Variants in TPCN1 observed in about 807,000 individuals in gnomAD.
TPCN1 encodes the protein two pore segment channel 1.
A neutral mutation model predicts 108.8 loss-of-function variants in TPCN1; 52 were observed. That is an observed-to-expected ratio of 0.48 (90% CI 0.38 to 0.60). The LOEUF is 0.60. Among genes scored for constraint, TPCN1 ranks in the 20% least tolerant of loss-of-function variants. TPCN1 has a pLI of 0.00. For synonymous variants in TPCN1, 446 were observed against 433.7 expected (o/e 1.03, Z -0.35); for missense variants, 806 against 1,072.8 (o/e 0.75, Z 3.47).
In TPCN1 at chr12:113,273,158, C is replaced by A; in HGVS notation, c.784-74C>A. ...GGTCAAGGCAGGGCATGCCAGGTGG[C>A]CCATCACAGCCTGTTCCTGATGGCC... On this transcript the variant is annotated intron_variant, in intron 8 of 27. Coordinates refer to ENST00000335509, the MANE Select transcript of TPCN1 (RefSeq NM_017901.6). This position sits in a 1 kb window ranked among gnomAD's most constrained non-coding sequence, Gnocchi z 4.0. 1 of 1,364,950 alleles carries A rather than the reference C, an allele frequency of 7.3e-7. No homozygotes were observed. Among genetic ancestry groups the A allele is most frequent in the South Asian group, 1.2e-5 (1 of 85,918 alleles). 84.6% of individuals were successfully genotyped at this position (1,364,950 alleles called of 1,614,324 possible). A position where few individuals can be genotyped will look rare whatever the true frequency, so the allele number is the denominator to read the frequency against.
At chr12:113,235,502 T>A (rs1434050357) in intron 2 of TPCN1, among the ~76,000 whole-genome samples, 1 of 148,540 alleles carries the variant, frequency 6.7e-6, no homozygotes, top group Admixed American at 6.7e-5. Context: ...TTAAAAGTAG[T>A]GGTTTAAAAA....
rs932160913 is a variant in TPCN1 at position 113,284,274 on chromosome 12, C to T, written c.1343-307C>T. Among the ~76,000 whole-genome samples the T allele has an allele frequency of 3.3e-4, 51 of 152,268 alleles. No homozygotes were observed. Among genetic ancestry groups the T allele is most frequent in the African/African-American group, 1.2e-3 (50 of 41,552 alleles). On this transcript the variant is annotated intron_variant, in intron 15 of 27. Coordinates refer to ENST00000335509, the MANE Select transcript of TPCN1 (RefSeq NM_017901.6). The surrounding 1 kb of genome is among the most constrained non-coding windows in gnomAD (Gnocchi z 4.1). ...ACAAGTGTTTTCAATACTTGAATGC[C>T]TGGTATATTGTCCCTCTTTTACCTC...
Position 113,291,103 on chromosome 12 carries a change from T to TG in TPCN1, c.1959+110dup, listed in dbSNP as rs1284751223. 2.6e-6 allele frequency: 3 copies of TG among 1,138,402 alleles called. No individual in the cohort carries two copies. In the Admixed American group the frequency reaches 5.2e-5, roughly 20 times the overall value. The allele number at this position is 1,138,402 out of a possible 1,614,324, so 70.5% of individuals were successfully genotyped here. On this transcript the variant is annotated intron_variant, in intron 23 of 27. Transcript: ENST00000335509. Reference sequence around the variant, plus strand: ...TAATTCTTCCCGTAGCTTGCAGGGCTGGGGGTCTTGAGTCATGCTGTGTTG... The same window carrying TG: ...TAATTCTTCCCGTAGCTTGCAGGGCTGGGGGGTCTTGAGTCATGCTGTGTTG...
chr12:113,247,481 C>G (rs945166894), intron 2 of TPCN1, among the ~76,000 whole-genome samples: 1 of 152,244 alleles, frequency 6.6e-6, no homozygotes, highest in Non-Finnish European at 1.5e-5. Flanking sequence ...ACGCAGCACT[C>G]GGAGTGGGAG....
chr12:113,279,379 A>G (rs1166934351), intron 14 of TPCN1, among the ~76,000 whole-genome samples: 291 of 24,310 alleles, frequency 0.012, 11 homozygotes, highest in African/African-American at 0.032. Context: ...ATATATATAT[A>G]TATATATATA....
intron 2 of TPCN1, among the ~76,000 whole-genome samples, chr12:113,252,980 G>A (rs903673589): frequency 1.3e-5 from 2 of 152,174 alleles, no homozygotes; most frequent in African/African-American, 4.8e-5. Flanking sequence ...AAATGCTAGT[G>A]TATTTTTGGT....
Position 113,284,856 on chromosome 12 carries a change from TTC to T in TPCN1, c.1453+89_1453+90del. 1.4e-6 allele frequency: 2 copies of T among 1,443,724 alleles called. No homozygotes were observed. The highest frequency in any genetic ancestry group is 1.9e-6 in the Non-Finnish European group (2 of 1,026,806). 89.4% of individuals were successfully genotyped at this position (1,443,724 alleles called of 1,614,324 possible). On this transcript the variant is annotated intron_variant, in intron 17 of 27. Coordinates refer to ENST00000335509, the MANE Select transcript of TPCN1 (RefSeq NM_017901.6). The surrounding 1 kb of genome is among the most constrained non-coding windows in gnomAD (Gnocchi z 4.1). ...CATTCAGTGTAGAACCTCATGGTTC[TTC>T]TCTAAAACAGGAAGCTATAAAGAGA...
chr12:113,241,030 A>G (rs1029506635), intron 2 of TPCN1, among the ~76,000 whole-genome samples: 1 of 152,204 alleles, frequency 6.6e-6, no homozygotes, highest in African/African-American at 2.4e-5. Context: ...GATAACAGGC[A>G]TGAGCCACCG....
At chr12:113,229,929 C>T (rs1953621774) in intron 2 of TPCN1, among the ~76,000 whole-genome samples, 1 of 152,184 alleles carries the variant, frequency 6.6e-6, no homozygotes, top group Admixed American at 6.5e-5. Context: ...TGTTCTAGTG[C>T]CTTCTTGCTT....
intron 2 of TPCN1, among the ~76,000 whole-genome samples, chr12:113,244,900 T>G (rs1295892056): frequency 6.6e-6 from 1 of 152,128 alleles, no homozygotes; most frequent in Non-Finnish European, 1.5e-5. Flanking sequence ...GGGTTCTGTT[T>G]CGTCTCACAG....
In TPCN1 at chr12:113,266,294, C is replaced by G. The variant is rs146220958; in HGVS notation, c.352C>G (p.Leu118Val). The change falls in exon 4 of 28, where the codon CTG becomes GTG. Residue 118 changes from leucine (L) to valine (V), a missense_variant. Physicochemically the swap from Leu to Val is conservative, Grantham distance 32. Coordinates refer to ENST00000335509, the MANE Select transcript of TPCN1 (RefSeq NM_017901.6). This position sits in a 1 kb window ranked among gnomAD's most constrained non-coding sequence, Gnocchi z 4.2. ...FYLMELATAL[L>V]LLLLSLCEAP... is the part of the protein sequence containing the mutation. The stretch of plus-strand genomic sequence containing the variant: ...CCTGATGGAGCTGGCCACGGCCCTG[C>G]TGCTGCTGCTGCTCTCCCTGTGCGA... 1.2e-6 allele frequency: 2 copies of G among 1,612,890 alleles called. No homozygotes were observed. Among genetic ancestry groups the G allele is most frequent in the Non-Finnish European group, 1.7e-6 (2 of 1,180,012 alleles).
chr12:113,244,537 TG>T, intron 2 of TPCN1: 1 of 985,454 alleles, frequency 1.0e-6, no homozygotes, highest in African/African-American at 1.7e-5. Context: ...GATTTTTATC[TG>T]GGGGCCTTTG....
chr12:113,278,653 G>A, intron 13 of TPCN1, 119 bp from the exon 14 acceptor site: 2 of 785,912 alleles, frequency 2.5e-6, no homozygotes, highest in South Asian at 3.1e-5. Flanking sequence ...GATCCCTGAA[G>A]GTTAACATTG....
chr12:113,286,980 A>G lies in TPCN1; in HGVS notation c.1527-7A>G, dbSNP rs1373452500. On this transcript the variant is annotated splice_region_variant and splice_polypyrimidine_tract_variant and intron_variant, in intron 18 of 27. Coordinates refer to ENST00000335509, the MANE Select transcript of TPCN1 (RefSeq NM_017901.6). ...CAGGGTGGACCTTGGCCTCTCCCCT[A>G]CTGCAGGTTTGACTTCTCCGTGACA... is the stretch of plus-strand genomic sequence containing the variant. 2 of 1,602,792 alleles carry G rather than the reference A, an allele frequency of 1.2e-6. No homozygotes were observed. Among genetic ancestry groups the G allele is most frequent in the Non-Finnish European group, 8.5e-7 (1 of 1,170,426 alleles).
At position 113,289,202 on chromosome 12, in the gene TPCN1, A is replaced by G. The variant is rs958396572; in HGVS notation, c.1796+355A>G. 1.2e-4 allele frequency among the ~76,000 whole-genome samples: 19 copies of G among 152,220 alleles called. No individual in the cohort carries two copies. The highest frequency in any genetic ancestry group is 4.3e-4 in the African/African-American group (18 of 41,472). On this transcript the variant is annotated intron_variant, in intron 21 of 27. Transcript: ENST00000335509. The surrounding 1 kb of genome is among the most constrained non-coding windows in gnomAD (Gnocchi z 4.1). The stretch of plus-strand genomic sequence containing the variant: ...GGGCCAAGACCAGTCTTCTAGGGAC[A>G]GCATCGTAGGATAAGACAGACGGAC...
At chr12:113,276,187 G>C (rs1340171444) in intron 10 of TPCN1, among the ~76,000 whole-genome samples, 2 of 152,178 alleles carry the variant, frequency 1.3e-5, no homozygotes, top group Non-Finnish European at 2.9e-5. Flanking sequence ...TACAGAAAAA[G>C]CATGCTGACC....
At chr12:113,295,158 G>A (rs1053779737) in intron 27 of TPCN1, among the ~76,000 whole-genome samples, 5 of 152,198 alleles carry the variant, frequency 3.3e-5, no homozygotes. Context: ...GTTGGAAGGA[G>A]GTGTGCTGCC....
chr12:113,241,083 T>A (rs987501336), intron 2 of TPCN1, among the ~76,000 whole-genome samples: 4 of 152,212 alleles, frequency 2.6e-5, no homozygotes, highest in African/African-American at 9.6e-5. Context: ...GCTTCTTGAT[T>A]TCCATTGTAT....
intron 11 of TPCN1, 22 bp downstream of exon 11, chr12:113,277,057 G>A: frequency 6.2e-7 from 1 of 1,606,390 alleles, no homozygotes. Context: ...GGGCCAGGGA[G>A]GGGCTTGGTC....
Sources: allele counts gnomAD v4.1 joint callset (sites outside exome capture counted in the v4.1 genomes callset), GRCh38; gene constraint gnomAD v4.1.1; non-coding constraint Gnocchi (gnomAD v3.1); transcripts MANE v1.5; gene names NCBI Gene and HGNC (gene_info 2026-07-23, HGNC 2026-07-21).